Variants in DYNLT5 observed in about 807,000 individuals in gnomAD.
DYNLT5 encodes the protein dynein light chain Tctex-type 5.
Under a neutral mutation model 19.3 loss-of-function variants are expected in DYNLT5, and 25 were observed. That is an observed-to-expected ratio of 1.30 (90% CI 0.95 to 1.81). DYNLT5 has a LOEUF of 1.81. Ranked by LOEUF, DYNLT5 falls within the 40% of genes most tolerant of loss-of-function variation. DYNLT5 has a pLI of 0.00. For synonymous variants in DYNLT5, 82 were observed against 68.9 expected (o/e 1.19, Z -0.94); for missense variants, 232 against 217.9 (o/e 1.06, Z -0.41).
rs764141615 is a variant in DYNLT5, at chr1:66,778,586, G to C, written c.*1132G>C. 6.6e-6 allele frequency: 1 copy of C among 152,608 alleles called. No individual in the cohort carries two copies. The highest frequency in any genetic ancestry group is 1.5e-5 in the Non-Finnish European group (1 of 68,038). 9.5% of individuals were successfully genotyped at this position (152,608 alleles called of 1,614,324 possible). ...AATTGTACACATATGGAGAAAATTA[G>C]CAATGCTGTAGTCTTAAGGAAAAAA... On this transcript the variant is annotated 3_prime_UTR_variant, in exon 5 of 5. Transcript: ENST00000282670.
intron 2 of DYNLT5, among the ~76,000 whole-genome samples, chr1:66,764,286 C>A (rs1188941445): frequency 2.0e-5 from 3 of 152,218 alleles, no homozygotes; most frequent in Non-Finnish European, 2.9e-5. Context: ...CCTATCTCGG[C>A]TTTTGACATG....
chr1:66,775,794 G>C (rs1645231078), intron 3 of DYNLT5, among the ~76,000 whole-genome samples: 1 of 152,178 alleles, frequency 6.6e-6, no homozygotes, highest in Non-Finnish European at 1.5e-5. Flanking sequence ...AAGGACACAG[G>C]AGCACCTTTA....
intron 2 of DYNLT5, among the ~76,000 whole-genome samples, chr1:66,765,224 C>T (rs563086657): frequency 6.6e-5 from 10 of 152,104 alleles, no homozygotes; most frequent in Non-Finnish European, 1.2e-4. Context: ...ATCTCCCCTC[C>T]GAAGAAGACA....
chr1:66,761,652 G>A (rs185314312), intron 2 of DYNLT5, among the ~76,000 whole-genome samples: 186 of 152,248 alleles, frequency 1.2e-3, no homozygotes, highest in African/African-American at 4.0e-3. Flanking sequence ...AGTAGTACCT[G>A]CCTGTAGTCC....
intron 3 of DYNLT5, among the ~76,000 whole-genome samples, chr1:66,774,085 T>C (rs1645221066): frequency 6.6e-6 from 1 of 152,180 alleles, no homozygotes; most frequent in African/African-American, 2.4e-5. Context: ...TTGGTAGCAC[T>C]GTACAACGGG....
rs1472421079 is a variant in DYNLT5, at chr1:66,777,570, C to A, written c.*116C>A. The A allele has an allele frequency of 1.1e-5, 9 of 813,666 alleles. No individual in the cohort carries two copies. The highest frequency in any genetic ancestry group is 1.6e-5 in the Non-Finnish European group (9 of 545,914). 50.4% of individuals were successfully genotyped at this position (813,666 alleles called of 1,614,324 possible). A position where few individuals can be genotyped will look rare whatever the true frequency, so the allele number is the denominator to read the frequency against. On this transcript the variant is annotated 3_prime_UTR_variant, in exon 5 of 5. Transcript: ENST00000282670. ...AAAGAAACAACACTGATATTTCAAG[C>A]AACTGGAAGCTTTTGAATTTTTTCA...
At chr1:66,756,104 T>C (rs1383205399) in intron 2 of DYNLT5, among the ~76,000 whole-genome samples, 2 of 152,218 alleles carry the variant, frequency 1.3e-5, no homozygotes. Context: ...AACCTATTAT[T>C]GATGAATATA....
rs2150870835 is a variant in DYNLT5, at chr1:66,778,776, T to C, written c.*1322T>C. 6.6e-6 allele frequency: 1 copy of C among 150,700 alleles called. No homozygotes were observed. Among genetic ancestry groups the C allele is most frequent in the South Asian group, 2.1e-4 (1 of 4,752 alleles). The allele number at this position is 150,700 out of a possible 1,614,324, so 9.3% of individuals were successfully genotyped here. ...TGCTATTTTCTGGCTTTTAAAGTGA[T>C]TATTCAAAATGAATTTGTCAATTTT... On this transcript the variant is annotated 3_prime_UTR_variant, in exon 5 of 5. Coordinates refer to ENST00000282670, the MANE Select transcript of DYNLT5 (RefSeq NM_152665.3).
intron 3 of DYNLT5, among the ~76,000 whole-genome samples, chr1:66,772,073 T>C (rs1645207499): frequency 6.6e-6 from 1 of 152,208 alleles, no homozygotes. Flanking sequence ...CAAAACTGTG[T>C]TTCCACTTCT....
chr1:66,776,220 G>C (rs1239698857), intron 3 of DYNLT5, 59 bp from the exon 4 acceptor site: 1 of 1,578,732 alleles, frequency 6.3e-7, no homozygotes, highest in East Asian at 2.3e-5. Context: ...TTAGCCTATG[G>C]GGTGGGTGGG....
At chr1:66,753,937 C>T (rs986177854) in intron 1 of DYNLT5, among the ~76,000 whole-genome samples, 2 of 145,796 alleles carry the variant, frequency 1.4e-5, no homozygotes, top group Non-Finnish European at 3.0e-5. Context: ...GTAACAAGAG[C>T]TAGATCCTGT....
intron 2 of DYNLT5, among the ~76,000 whole-genome samples, chr1:66,764,452 G>A (rs1325405922): frequency 6.6e-6 from 1 of 152,190 alleles, no homozygotes; most frequent in Admixed American, 6.5e-5. Context: ...GACCCAAAGA[G>A]AGAGACATGG....
intron 3 of DYNLT5, 161 bp from the exon 4 acceptor site, chr1:66,776,118 C>T (rs940773591): frequency 2.6e-5 from 21 of 812,092 alleles, no homozygotes; most frequent in Non-Finnish European, 3.5e-5. Flanking sequence ...TCTCTCAGAG[C>T]ACTTGACAGG....
intron 2 of DYNLT5, among the ~76,000 whole-genome samples, chr1:66,765,147 C>T (rs1028257532): frequency 1.3e-5 from 2 of 152,062 alleles, no homozygotes; most frequent in Admixed American, 1.3e-4. Context: ...ACCCTGAAGA[C>T]CTTGTTTTTC....
chr1:66,766,210 T>C (rs2094654924), intron 2 of DYNLT5, among the ~76,000 whole-genome samples: 1 of 152,194 alleles, frequency 6.6e-6, no homozygotes, highest in Non-Finnish European at 1.5e-5. Flanking sequence ...GCAAGAATAT[T>C]TTTTATATTT....
chr1:66,765,364 A>C (rs1307108801), intron 2 of DYNLT5, among the ~76,000 whole-genome samples: 1 of 152,228 alleles, frequency 6.6e-6, no homozygotes, highest in Non-Finnish European at 1.5e-5. Flanking sequence ...TATGCGTTCA[A>C]TATTATCTCT....
At chr1:66,766,805 A>G (rs1475351941) in intron 2 of DYNLT5, among the ~76,000 whole-genome samples, 2 of 152,050 alleles carry the variant, frequency 1.3e-5, no homozygotes, top group Admixed American at 6.6e-5. Flanking sequence ...CTTTTTTATG[A>G]TGTTATAGTC....
At chr1:66,755,889 A>G (rs1168729793) in intron 2 of DYNLT5, 1 of 152,226 alleles carries the variant, frequency 6.6e-6, no homozygotes, top group Non-Finnish European at 1.5e-5. Context: ...GTTGGCTTAA[A>G]TTCAACTTAC....
intron 2 of DYNLT5, among the ~76,000 whole-genome samples, chr1:66,768,293 T>C (rs1351623771): frequency 6.6e-6 from 1 of 152,204 alleles, no homozygotes; most frequent in Non-Finnish European, 1.5e-5. Context: ...ATGATTTTTG[T>C]TAATGTTAAC....
Sources: gnomAD v4.1 joint callset for allele counts (sites outside exome capture counted in the v4.1 genomes callset) on GRCh38, gnomAD v4.1.1 for gene constraint, MANE v1.5 for transcripts, NCBI Gene and HGNC (gene_info 2026-07-23, HGNC 2026-07-21) for gene names.